The following LRBA variants were observed in gnomAD, a reference collection of about 807,000 sequenced individuals.
The protein encoded by LRBA is lipopolysaccharide-responsive and beige-like anchor protein.
In LRBA, 176 loss-of-function variants were observed where a neutral mutation model predicts 330.0. That is an observed-to-expected ratio of 0.53 (90% confidence interval 0.47 to 0.60). The LOEUF (loss-of-function observed/expected upper bound fraction) is 0.60, where lower values mean the gene tolerates loss of function less well. Ranked by LOEUF, LRBA falls within the 20% of genes least tolerant of loss-of-function variation. The probability of loss-of-function intolerance (pLI) is 0.00; values close to 1 mark genes in which losing one functional copy is unlikely to be tolerated. For synonymous variants in LRBA, 1,230 were observed against 1,193.0 expected, an observed-to-expected ratio of 1.03 and a Z score of -0.64; for missense variants, 3,259 against 3,444.8, an observed-to-expected ratio of 0.95 and a Z score of 1.35.
At chr4:150,558,519 G>T (rs973530209) in intron 40 of LRBA, among the ~76,000 whole-genome samples, 6 of 151,982 alleles carry the variant, frequency 3.9e-5, no homozygotes, top group Non-Finnish European at 8.8e-5. Context: ...CTATTCTTCG[G>T]ACACTTATGT....
intron 47 of LRBA, among the ~76,000 whole-genome samples, chr4:150,403,076 AACCCTG>A (rs1745719584): frequency 6.6e-6 from 1 of 152,222 alleles, no homozygotes; most frequent in Non-Finnish European, 1.5e-5. Flanking sequence ...TTTATCGGGT[AACCCTG>A]TGCAGAGTTG....
chr4:150,839,300 C>G (rs983339516), intron 28 of LRBA, among the ~76,000 whole-genome samples: 1 of 152,184 alleles, frequency 6.6e-6, no homozygotes, highest in East Asian at 1.9e-4. Context: ...GGACTGTAAA[C>G]TAGTTCAACC....
rs542111727 is a variant in LRBA at position 150,283,067 on chromosome 4, C to T, written c.8120-421G>A. ...TCCCTGCACCTTGCAGGAGCCCCAA[C>T]GGCCACGGCACTGTGGGCCTATGCA... On this transcript the variant is annotated intron_variant, in intron 54 of 56. Transcript: ENST00000651943. Among the ~76,000 whole-genome samples, 5 of 152,350 alleles carry T rather than the reference C, an allele frequency of 3.3e-5. No homozygotes were observed. In the South Asian group the frequency reaches 6.2e-4, roughly 19 times the overall value.
intron 47 of LRBA, 79 bp downstream of exon 47, chr4:150,415,359 T>C: frequency 7.6e-7 from 1 of 1,311,050 alleles, no homozygotes; most frequent in South Asian, 1.4e-5. Flanking sequence ...AGAGCAAGGG[T>C]TAATGATTAT....
intron 36 of LRBA, among the ~76,000 whole-genome samples, chr4:150,730,532 A>C (rs1273485256): frequency 6.6e-6 from 1 of 151,878 alleles, no homozygotes; most frequent in Non-Finnish European, 1.5e-5. Context: ...AAAATACAAA[A>C]ATTAGCTAGG....
intron 36 of LRBA, among the ~76,000 whole-genome samples, chr4:150,702,929 G>A (rs999061234): frequency 2.0e-5 from 3 of 152,336 alleles, no homozygotes; most frequent in Admixed American, 6.5e-5. Flanking sequence ...GGAGGCCAAG[G>A]CAGGGGGATC....
chr4:150,573,648 T>C (rs1298322870), intron 40 of LRBA, among the ~76,000 whole-genome samples: 1 of 152,212 alleles, frequency 6.6e-6, no homozygotes, highest in African/African-American at 2.4e-5. Flanking sequence ...CAATAAGTTA[T>C]CACGTAAGTG....
At chr4:150,968,156 C>T (rs1188448775) in intron 2 of LRBA, among the ~76,000 whole-genome samples, 1 of 152,074 alleles carries the variant, frequency 6.6e-6, no homozygotes, top group Non-Finnish European at 1.5e-5. Flanking sequence ...AGGCATCTGC[C>T]ACCATGTCTG....
intron 37 of LRBA, among the ~76,000 whole-genome samples, chr4:150,605,549 A>G (rs186449148): frequency 1.3e-5 from 2 of 152,254 alleles, no homozygotes; most frequent in African/African-American, 4.8e-5. Context: ...TTCTATTTCC[A>G]TATTTTTAGA....
intron 40 of LRBA, among the ~76,000 whole-genome samples, chr4:150,496,104 A>G (rs1759563614): frequency 6.6e-6 from 1 of 152,106 alleles, no homozygotes; most frequent in African/African-American, 2.4e-5. Flanking sequence ...CATCAAACCT[A>G]TCTTTTTTAA....
At chr4:150,448,826 G>C (rs1390868020) in intron 44 of LRBA, among the ~76,000 whole-genome samples, 1 of 125,156 alleles carries the variant, frequency 8.0e-6, no homozygotes, top group East Asian at 2.5e-4. Context: ...AAAAAAAGGG[G>C]GGGGGGGTGG....
At chr4:150,335,496 TATATATACACACAC>T (rs1734580839) in intron 48 of LRBA, among the ~76,000 whole-genome samples, 1 of 146,864 alleles carries the variant, frequency 6.8e-6, no homozygotes, top group South Asian at 2.1e-4. Flanking sequence ...TGTGTGTATA[TATATATACACACAC>T]ATATACGTAT....
chr4:150,584,273 G>A, intron 40 of LRBA: 2 of 680,648 alleles, frequency 2.9e-6, no homozygotes, highest in South Asian at 9.8e-5. Flanking sequence ...CAAAAAGAGA[G>A]CAACCCAACC....
chr4:150,535,239 T>C (rs1764519095), intron 40 of LRBA, among the ~76,000 whole-genome samples: 1 of 152,146 alleles, frequency 6.6e-6, no homozygotes, highest in South Asian at 2.1e-4. Flanking sequence ...GCTCAAGTGA[T>C]ACTCCCACCT....
At chr4:150,723,438 C>G (rs1168427293) in intron 36 of LRBA, among the ~76,000 whole-genome samples, 1 of 152,168 alleles carries the variant, frequency 6.6e-6, no homozygotes, top group Non-Finnish European at 1.5e-5. Flanking sequence ...GATGATATTT[C>G]ATTTCTAGAC....
chr4:150,731,633 CT>C (rs750773482), intron 36 of LRBA, among the ~76,000 whole-genome samples: 8 of 152,076 alleles, frequency 5.3e-5, no homozygotes, highest in Non-Finnish European at 1.2e-4. Context: ...AACAATTGAA[CT>C]CTGAGTTCAA....
intron 37 of LRBA, among the ~76,000 whole-genome samples, chr4:150,680,300 A>G (rs533541672): frequency 8.5e-5 from 13 of 152,332 alleles, no homozygotes; most frequent in Non-Finnish European, 1.6e-4. Flanking sequence ...CAGAGCTCCA[A>G]GGGAGGAATA....
Position 150,435,574 on chromosome 4 carries a change from A to T in LRBA, c.7041+15T>A. On this transcript the variant is annotated intron_variant, in intron 46 of 56. Transcript: ENST00000651943. Reference sequence around the variant, plus strand: ...GCACTGGCAATAACAACTATAAAACAAAACATTTCTGTACCTTAATATCAG... The same window carrying T: ...GCACTGGCAATAACAACTATAAAACTAAACATTTCTGTACCTTAATATCAG... The T allele has an allele frequency of 1.3e-6, 2 of 1,594,510 alleles. No homozygotes were observed. Among genetic ancestry groups the T allele is most frequent in the South Asian group, 1.2e-5 (1 of 86,704 alleles).
At position 150,340,631 on chromosome 4, in the gene LRBA, A is replaced by C. The variant is rs114803687; in HGVS notation, c.7362+9361T>G. On this transcript the variant is annotated intron_variant, in intron 48 of 56. Transcript: ENST00000651943. The stretch of plus-strand genomic sequence containing the variant: ...ATTACAGGTGTGAACCACTGTGCCC[A>C]GCTTAAAGTGCTTTTCATATGTGAC... Among the ~76,000 whole-genome samples the C allele has an allele frequency of 1.1e-3, 161 of 152,284 alleles. 4 individuals are homozygous for C. Among genetic ancestry groups the C allele is most frequent in the African/African-American group, 3.8e-3 (158 of 41,568 alleles).
Sources: gnomAD v4.1 joint callset for allele counts (sites outside exome capture counted in the v4.1 genomes callset) on GRCh38, gnomAD v4.1.1 for gene constraint, MANE v1.5 for transcripts, NCBI Gene and HGNC (gene_info 2026-07-23, HGNC 2026-07-21) for gene names.